Variants in MAT1A observed in about 807,000 individuals in gnomAD.
MAT1A encodes S-adenosylmethionine synthase isoform type-1.
MAT1A carries 19 observed loss-of-function variants against 44.0 expected under a neutral mutation model. The observed-to-expected ratio is 0.43, with a 90% CI of 0.30 to 0.63. The LOEUF (loss-of-function observed/expected upper bound fraction) is 0.63, where lower values mean the gene tolerates loss of function less well. Among genes scored for constraint, MAT1A ranks in the 30% least tolerant of loss-of-function variants. MAT1A has a pLI of 0.12. For missense variants in MAT1A, 397 were observed against 531.0 expected, an observed-to-expected ratio of 0.75 and a Z score of 2.48; for synonymous variants, 205 against 205.6, an observed-to-expected ratio of 1.00 and a Z score of 0.03.
At chr10:80,281,510 A>G (rs1333761309) in intron 3 of MAT1A, among the ~76,000 whole-genome samples, 2 of 152,114 alleles carry the variant, frequency 1.3e-5, no homozygotes, top group African/African-American at 4.8e-5. Flanking sequence ...ACTGCTATGC[A>G]CCGAGACCGT....
At chr10:80,285,683 A>G (rs1304985123) in intron 1 of MAT1A, 94 bp from the exon 2 acceptor site, 12 of 824,758 alleles carry the variant, frequency 1.5e-5, no homozygotes, top group Non-Finnish European at 2.5e-5. Flanking sequence ...TTCAGTTTAC[A>G]TATCAACTTA....
chr10:80,277,274 T>C (rs1431689199), intron 5 of MAT1A, among the ~76,000 whole-genome samples: 3 of 152,162 alleles, frequency 2.0e-5, no homozygotes, highest in Admixed American at 2.0e-4. Context: ...AGTATGGGAC[T>C]GCTCCCATCC....
At chr10:80,276,305 T>C in intron 6 of MAT1A, 71 bp downstream of exon 6, 1 of 1,501,318 alleles carries the variant, frequency 6.7e-7, no homozygotes, top group Non-Finnish European at 9.3e-7. Flanking sequence ...CTTGAGGTTT[T>C]CCTGCTCTGA....
intron 3 of MAT1A, among the ~76,000 whole-genome samples, chr10:80,281,719 T>C (rs1256902138): frequency 2.0e-5 from 3 of 152,224 alleles, no homozygotes; most frequent in African/African-American, 7.2e-5. Flanking sequence ...AGATCCAAGC[T>C]GCTGTTTCTG....
intron 1 of MAT1A, 116 bp from the exon 2 acceptor site, chr10:80,285,705 GA>G: frequency 1.4e-6 from 1 of 727,850 alleles, no homozygotes; most frequent in Non-Finnish European, 2.5e-6. Flanking sequence ...CTACCAGAGG[GA>G]AAACACTTTT....
intron 5 of MAT1A, among the ~76,000 whole-genome samples, chr10:80,277,163 G>T (rs928574987): frequency 6.0e-4 from 91 of 152,368 alleles, no homozygotes; most frequent in South Asian, 8.3e-4. Context: ...GCCGAAAGCA[G>T]CATGGACCCA....
In MAT1A at chr10:80,274,667, G is replaced by A. The variant is rs761573055; in HGVS notation, c.952-14C>T. ...GGCATAGGAAACCTTCCAGCAAGGTGCAGCGTCAGGGATTGAAGCCTCTGT... is the reference window on the plus strand; with the variant it reads ...GGCATAGGAAACCTTCCAGCAAGGTACAGCGTCAGGGATTGAAGCCTCTGT... On this transcript the variant is annotated splice_polypyrimidine_tract_variant and intron_variant, in intron 7 of 8. Coordinates refer to ENST00000372213, the MANE Select transcript of MAT1A (RefSeq NM_000429.3). The A allele has an allele frequency of 1.9e-6, 3 of 1,613,988 alleles. No individual in the cohort carries two copies. In the African/African-American group the frequency reaches 4.0e-5, roughly 22 times the overall value.
intron 2 of MAT1A, among the ~76,000 whole-genome samples, chr10:80,285,239 C>T (rs991218884): frequency 2.0e-5 from 3 of 152,170 alleles, no homozygotes; most frequent in African/African-American, 7.2e-5. Flanking sequence ...ATCAGAAAGG[C>T]CATGTGCTGG....
At position 80,272,551 on chromosome 10, in the gene MAT1A, G is replaced by A. The variant is rs1841423714; in HGVS notation, c.*1230C>T. ...GGACCAGCCTCCCTGGATCCGAAAG[G>A]GCCACTCACTCCCTCCAAATGCACT... On this transcript the variant is annotated 3_prime_UTR_variant, in exon 9 of 9. Transcript: ENST00000372213. The A allele has an allele frequency of 6.6e-6, 1 of 152,224 alleles. No homozygotes were observed. The highest frequency in any genetic ancestry group is 2.4e-5 in the African/African-American group (1 of 41,382). The allele number at this position is 152,224 out of a possible 1,614,324, so 9.4% of individuals were successfully genotyped here.
rs1841469543 is a variant in MAT1A, at chr10:80,275,166, C to T, written c.802G>A (p.Val268Met). 6.2e-7 allele frequency: 1 copy of T among 1,613,524 alleles called. No homozygotes were observed. Among genetic ancestry groups the T allele is most frequent in the Non-Finnish European group, 8.5e-7 (1 of 1,179,888 alleles). ...GCCCCCCAGCCGCCATAGGTGTCCA[C>T]AATAATCTTACGGCCAGTGACACCC... The part of the protein sequence containing the change: ...DAGVTGRKII[V>M]DTYGGWGAHG... The change falls in exon 7 of 9, where the codon GTG (valine) becomes ATG (methionine). Residue 268 changes from valine (V) to methionine (M), a missense_variant. Val to Met is a conservative substitution (Grantham distance 21, BLOSUM62 1). Coordinates refer to ENST00000372213, the MANE Select transcript of MAT1A (RefSeq NM_000429.3).
intron 3 of MAT1A, among the ~76,000 whole-genome samples, chr10:80,281,346 TAC>T (rs1841564250): frequency 6.6e-6 from 1 of 151,808 alleles, no homozygotes; most frequent in African/African-American, 2.4e-5. Flanking sequence ...CCCTGAGAGG[TAC>T]ACAGAGTCTG....
chr10:80,277,846 C>T (rs1262279776), intron 5 of MAT1A, among the ~76,000 whole-genome samples: 1 of 152,230 alleles, frequency 6.6e-6, no homozygotes, highest in Non-Finnish European at 1.5e-5. Context: ...GGGAAAAACA[C>T]ACCATGGAAA....
rs1195159752 is a variant in MAT1A at position 80,271,926 on chromosome 10, G to A, written c.*1855C>T. The A allele has an allele frequency of 6.6e-6, 1 of 152,190 alleles. No homozygotes were observed. The highest frequency in any genetic ancestry group is 2.4e-5 in the African/African-American group (1 of 41,442). 9.4% of individuals were successfully genotyped at this position (152,190 alleles called of 1,614,324 possible). ...ACAAAAAAGATCTTATTTCTCTAGA[G>A]GGTAGGGAAAGTATAAAATTCTGAA... is the stretch of plus-strand genomic sequence containing the variant. On this transcript the variant is annotated 3_prime_UTR_variant, in exon 9 of 9. Transcript: ENST00000372213.
At chr10:80,288,010 G>C (rs1841669072) in intron 1 of MAT1A, among the ~76,000 whole-genome samples, 1 of 152,128 alleles carries the variant, frequency 6.6e-6, no homozygotes, top group African/African-American at 2.4e-5. Flanking sequence ...AATGTCTCCA[G>C]ACAGTACAAA....
At chr10:80,274,922 C>A in intron 7 of MAT1A, 95 bp downstream of exon 7, 1 of 1,428,450 alleles carries the variant, frequency 7.0e-7, no homozygotes, top group Admixed American at 2.0e-5. Context: ...GCAAAGCATG[C>A]AGCTTTCCCA....
intron 5 of MAT1A, among the ~76,000 whole-genome samples, chr10:80,277,570 G>A (rs1841507729): frequency 6.6e-6 from 1 of 152,188 alleles, no homozygotes; most frequent in Admixed American, 6.5e-5. Context: ...ACACGGCCCT[G>A]GGAAAGGGGC....
At chr10:80,276,308 T>C in intron 6 of MAT1A, 68 bp downstream of exon 6, 1 of 1,519,828 alleles carries the variant, frequency 6.6e-7, no homozygotes, top group Non-Finnish European at 9.1e-7. Flanking sequence ...GAGGTTTTCC[T>C]GCTCTGAGAC....
intron 5 of MAT1A, 103 bp downstream of exon 5, chr10:80,280,070 A>T: frequency 7.2e-7 from 1 of 1,394,550 alleles, no homozygotes; most frequent in Non-Finnish European, 1.0e-6. Context: ...GAATGCCCAG[A>T]TTGAATATTT....
At chr10:80,284,839 T>A (rs1258905326) in intron 2 of MAT1A, among the ~76,000 whole-genome samples, 2 of 152,142 alleles carry the variant, frequency 1.3e-5, no homozygotes, top group Admixed American at 6.5e-5. Context: ...AAACAACTTA[T>A]CCCACAAATA....
Sources: allele counts gnomAD v4.1 joint callset (sites outside exome capture counted in the v4.1 genomes callset), GRCh38; gene constraint gnomAD v4.1.1; transcripts MANE v1.5; gene names NCBI Gene and HGNC (gene_info 2026-07-23, HGNC 2026-07-21).